Variants in ZNF670 observed in about 807,000 individuals in gnomAD.
ZNF670 encodes the protein zinc finger protein 670.
In ZNF670, 7 loss-of-function variants were observed where a neutral mutation model predicts 10.9. The ratio of observed to expected loss-of-function variants is 0.64; its 90% CI spans 0.36 to 1.20. The LOEUF (loss-of-function observed/expected upper bound fraction) is 1.20. Ranked by LOEUF, ZNF670 falls within the 50% of genes most tolerant of loss-of-function variation. The pLI, the probability that ZNF670 is intolerant of heterozygous loss-of-function variation, is 0.02. For missense variants in ZNF670, 446 were observed against 458.6 expected (o/e 0.97, Z 0.25); for synonymous variants, 136 against 152.7 (o/e 0.89, Z 0.81).
intron 1 of ZNF670, among the ~76,000 whole-genome samples, chr1:247,077,233 A>G (rs1465182862): frequency 6.6e-6 from 1 of 152,198 alleles, no homozygotes; most frequent in East Asian, 1.9e-4. Context: ...GTATACTAGG[A>G]GACGTCTCTC....
Position 247,037,370 on chromosome 1 carries a change from G to A in ZNF670, c.*79C>T, listed in dbSNP as rs534262407. 6.1e-5 allele frequency: 88 copies of A among 1,450,556 alleles called. No homozygotes were observed. The highest frequency in any genetic ancestry group is 1.6e-4 in the East Asian group (7 of 43,226). 89.9% of individuals were successfully genotyped at this position (1,450,556 alleles called of 1,614,324 possible). On this transcript the variant is annotated 3_prime_UTR_variant, in exon 4 of 4. Coordinates refer to ENST00000366503, the MANE Select transcript of ZNF670 (RefSeq NM_033213.5). ...TAATTTGAGTTTTTAATTTTTTCAC[G>A]TGTTCTAATGAAACTAGAATAACTG...
intron 1 of ZNF670, among the ~76,000 whole-genome samples, chr1:247,062,475 C>G (rs1027284446): frequency 6.6e-6 from 1 of 152,196 alleles, no homozygotes; most frequent in African/African-American, 2.4e-5. Flanking sequence ...ATGAAATACA[C>G]TTTACATTTA....
intron 1 of ZNF670, among the ~76,000 whole-genome samples, chr1:247,062,019 A>C (rs1343121449): frequency 6.6e-6 from 1 of 152,214 alleles, no homozygotes; most frequent in African/African-American, 2.4e-5. Flanking sequence ...AACTGTGATC[A>C]TATTTGAGTA....
chr1:247,077,464 C>T (rs1671280348), intron 1 of ZNF670, among the ~76,000 whole-genome samples: 1 of 152,148 alleles, frequency 6.6e-6, no homozygotes, highest in Non-Finnish European at 1.5e-5. Flanking sequence ...GTAAGATGTG[C>T]ACACTCAAAA....
chr1:247,057,395 T>C (rs76255504), intron 1 of ZNF670, among the ~76,000 whole-genome samples: 4,212 of 152,260 alleles, frequency 0.028, 197 homozygotes, highest in African/African-American at 0.094. Flanking sequence ...TGTGGAAATG[T>C]AAATTAGTAC....
chr1:247,036,847 T>G lies in ZNF670; in HGVS notation c.*602A>C. The G allele has an allele frequency of 7.2e-6, 1 of 137,958 alleles. No individual in the cohort carries two copies. Among genetic ancestry groups the G allele is most frequent in the Admixed American group, 7.2e-5 (1 of 13,892 alleles). 8.5% of individuals were successfully genotyped at this position (137,958 alleles called of 1,614,324 possible). On this transcript the variant is annotated 3_prime_UTR_variant, in exon 4 of 4. Coordinates refer to ENST00000366503, the MANE Select transcript of ZNF670 (RefSeq NM_033213.5). The stretch of plus-strand genomic sequence containing the variant: ...GAAGAAAATCTTTACAACAAAAAAG[T>G]AGTTTTCCCATAAAAAGGTAGAATA...
At position 247,035,989 on chromosome 1, in the gene ZNF670, C is replaced by A. The variant is rs1670140771; in HGVS notation, c.*1460G>T. On this transcript the variant is annotated 3_prime_UTR_variant, in exon 4 of 4. Transcript: ENST00000366503. ...AACAGTTTTTGACTTCGGAGCATTT[C>A]AGATTTGGTATTGGAATCTGGGGTT... 6.6e-6 allele frequency among the ~76,000 whole-genome samples: 1 copy of A among 152,144 alleles called. No homozygotes were observed. The highest frequency in any genetic ancestry group is 6.6e-5 in the Admixed American group (1 of 15,264).
intron 1 of ZNF670, among the ~76,000 whole-genome samples, chr1:247,061,600 T>C (rs1347505278): frequency 6.6e-6 from 1 of 152,194 alleles, no homozygotes; most frequent in Non-Finnish European, 1.5e-5. Flanking sequence ...CAAGATGGCA[T>C]ATGTCCTTAG....
In ZNF670 at chr1:247,038,226, A is replaced by C; in HGVS notation, c.393T>G (p.Phe131Leu). The C allele has an allele frequency of 6.2e-7, 1 of 1,614,170 alleles. No homozygotes were observed. The highest frequency in any genetic ancestry group is 1.1e-5 in the South Asian group (1 of 91,084). Residue 131 changes from phenylalanine (F) to leucine (L), a missense_variant, in exon 4 of 4, where the codon TTT (phenylalanine) becomes TTG (leucine). By Grantham distance (22) the Phe-to-Leu change is conservative (BLOSUM62 0). Coordinates refer to ENST00000366503, the MANE Select transcript of ZNF670 (RefSeq NM_033213.5). Reference protein sequence around the residue: ...HILSHIGNKLFECEECPEKLY... With the variant: ...HILSHIGNKLLECEECPEKLY... ...ACTTCTCTGGACATTCCTCACACTC[A>C]AATAGTTTGTTTCCAATGTGAGACA...
rs543344294 is a variant in ZNF670 at position 247,039,121 on chromosome 1, C to A, written c.131-251G>T. The stretch of plus-strand genomic sequence containing the variant: ...TTGACCAGGCTGGAGTGCAGTGGCT[C>A]AATCTCGGCTCACTGCAACCTCCAC... On this transcript the variant is annotated intron_variant, in intron 2 of 3. Transcript: ENST00000366503. Among the ~76,000 whole-genome samples the A allele has an allele frequency of 2.0e-3, 283 of 143,672 alleles. 1 individual carries two copies. The highest frequency in any genetic ancestry group is 7.2e-3 in the African/African-American group (273 of 37,716). The allele number at this position is 143,672 out of a possible 152,430, so 94.3% of individuals were successfully genotyped here.
intron 1 of ZNF670, among the ~76,000 whole-genome samples, chr1:247,075,496 C>T (rs544318273): frequency 6.6e-6 from 1 of 152,310 alleles, no homozygotes; most frequent in Admixed American, 6.5e-5. Flanking sequence ...TGAATTGTAA[C>T]TCCCACAATT....
intron 1 of ZNF670, among the ~76,000 whole-genome samples, chr1:247,047,280 G>A (rs115475824): frequency 0.026 from 3,897 of 152,286 alleles, 184 homozygotes; most frequent in African/African-American, 0.089. Flanking sequence ...CACTGCCCTA[G>A]CATAGATTCC....
intron 1 of ZNF670, among the ~76,000 whole-genome samples, chr1:247,072,775 G>A (rs1397755587): frequency 2.6e-5 from 3 of 114,068 alleles, no homozygotes; most frequent in Non-Finnish European, 3.6e-5. Flanking sequence ...CGACAAGAAC[G>A]AAACTCTGTC....
At chr1:247,078,515 G>A in intron 1 of ZNF670, 79 bp downstream of exon 1, 6 of 1,582,638 alleles carry the variant, frequency 3.8e-6, no homozygotes, top group South Asian at 1.1e-5. Context: ...TCGGCACCGC[G>A]GGGAGGTCCG....
chr1:247,062,648 C>A (rs964399600), intron 1 of ZNF670, among the ~76,000 whole-genome samples: 1 of 152,230 alleles, frequency 6.6e-6, no homozygotes, highest in African/African-American at 2.4e-5. Flanking sequence ...ACTGCTCCCC[C>A]AAGTGTACTG....
In ZNF670 at chr1:247,037,487, TG is replaced by T; in HGVS notation, c.1131del (p.Ser378ValfsTer58). On this transcript the variant is annotated frameshift_variant, in exon 4 of 4. Transcript: ENST00000366503. LOFTEE classifies it low-confidence loss of function (END_TRUNC). ...GCTCTTTCATGCTTTCGAAGGGAAC[TG>T]GAACAACTGAAGGCTTTACCACATT... Reference protein sequence around the residue: ...CKKCGKAFSCSSSLRKHERAY... With the variant: ...CKKCGKAFSCXSSLRKHERAY... The T allele has an allele frequency of 4.3e-6, 7 of 1,613,652 alleles. No individual in the cohort carries two copies. The highest frequency in any genetic ancestry group is 5.9e-6 in the Non-Finnish European group (7 of 1,179,826).
chr1:247,040,509 C>T (rs908316361), intron 1 of ZNF670, among the ~76,000 whole-genome samples: 3 of 151,450 alleles, frequency 2.0e-5, no homozygotes, highest in Non-Finnish European at 4.4e-5. Flanking sequence ...TTTTCCAAAC[C>T]TAACAAAAAA....
Position 247,035,436 on chromosome 1 carries a change from T to G in ZNF670, c.*2013A>C, listed in dbSNP as rs1157571384. 6.6e-6 allele frequency among the ~76,000 whole-genome samples: 1 copy of G among 152,186 alleles called. No individual in the cohort carries two copies. Among genetic ancestry groups the G allele is most frequent in the South Asian group, 2.1e-4 (1 of 4,828 alleles). ...AGTATCAAGAACGTGAGATGCTTCT[T>G]GGTTCTCATAAGGATGCAATTGGTT... is the stretch of plus-strand genomic sequence containing the variant. On this transcript the variant is annotated 3_prime_UTR_variant, in exon 4 of 4. Coordinates refer to ENST00000366503, the MANE Select transcript of ZNF670 (RefSeq NM_033213.5).
At chr1:247,065,023 G>A (rs939415041) in intron 1 of ZNF670, among the ~76,000 whole-genome samples, 7 of 152,046 alleles carry the variant, frequency 4.6e-5, no homozygotes, top group South Asian at 2.1e-4. Context: ...TGCCCAGCTC[G>A]TCTTGAACTC....
Sources: gnomAD v4.1 joint callset for allele counts (sites outside exome capture counted in the v4.1 genomes callset) on GRCh38, gnomAD v4.1.1 for gene constraint, MANE v1.5 for transcripts, NCBI Gene and HGNC (gene_info 2026-07-23, HGNC 2026-07-21) for gene names.